CSGALNACT1: variants seen among roughly 807,000 people sequenced by gnomAD.
CSGALNACT1 encodes chondroitin sulfate N-acetylgalactosaminyltransferase 1.
CSGALNACT1 carries 52 observed loss-of-function variants against 51.0 expected under a neutral mutation model. The ratio of observed to expected loss-of-function variants is 1.02; its 90% CI spans 0.82 to 1.29. CSGALNACT1 has a LOEUF of 1.29. Among genes scored for constraint, CSGALNACT1 ranks in the 50% most tolerant of loss-of-function variants. The pLI, the probability that CSGALNACT1 is intolerant of heterozygous loss-of-function variation, is 0.00. For synonymous variants in CSGALNACT1, 341 were observed against 254.4 expected, an observed-to-expected ratio of 1.34 and a Z score of -3.24; for missense variants, 935 against 679.2, an observed-to-expected ratio of 1.38 and a Z score of -4.19.
chr8:19,430,938 A>G (rs1443676739), intron 6 of CSGALNACT1, among the ~76,000 whole-genome samples: 1 of 151,976 alleles, frequency 6.6e-6, no homozygotes, highest in Non-Finnish European at 1.5e-5. Flanking sequence ...AACCTTTTTT[A>G]TATTACTATG....
At chr8:19,449,807 G>C (rs1409915296) in intron 5 of CSGALNACT1, among the ~76,000 whole-genome samples, 1 of 151,884 alleles carries the variant, frequency 6.6e-6, no homozygotes, top group Non-Finnish European at 1.5e-5. Context: ...TTGGAATTGA[G>C]AAAGATTTTT....
At chr8:19,626,115 C>T (rs1362710887) in intron 1 of CSGALNACT1, among the ~76,000 whole-genome samples, 1 of 152,056 alleles carries the variant, frequency 6.6e-6, no homozygotes, top group African/African-American at 2.4e-5. Context: ...AAAGTTAAAA[C>T]AATTTTGAAA....
chr8:19,503,885 A>G (rs1482630063), intron 4 of CSGALNACT1, among the ~76,000 whole-genome samples: 4 of 151,878 alleles, frequency 2.6e-5, no homozygotes, highest in Admixed American at 6.6e-5. Flanking sequence ...GCATCAACTT[A>G]TGGTTCACTT....
chr8:19,512,289 G>C lies in CSGALNACT1; in HGVS notation c.-296-6159C>G, dbSNP rs577007752. Among the ~76,000 whole-genome samples, 71 of 152,318 alleles carry C rather than the reference G, an allele frequency of 4.7e-4. No individual in the cohort carries two copies. In the South Asian group the frequency reaches 0.014, roughly 29 times the overall value. On this transcript the variant is annotated intron_variant, in intron 3 of 9. Coordinates refer to ENST00000454498, the Ensembl canonical transcript of CSGALNACT1. ...CAGGCCTGCCGGCAACCCCCTGAAA[G>C]AGCTTGAAAATGCGTTCTGCAGCTA...
chr8:19,474,047 G>C (rs2068816938), intron 4 of CSGALNACT1, among the ~76,000 whole-genome samples: 1 of 152,184 alleles, frequency 6.6e-6, no homozygotes, highest in Non-Finnish European at 1.5e-5. Context: ...TACATTGTAA[G>C]CCTTTAGTAA....
intron 4 of CSGALNACT1, among the ~76,000 whole-genome samples, chr8:19,460,024 G>GATTT (rs2153820536): frequency 6.6e-6 from 1 of 152,228 alleles, no homozygotes; most frequent in South Asian, 2.1e-4. Context: ...AGGATCAAAT[G>GATTT]ATTTCCCTCA....
intron 3 of CSGALNACT1, among the ~76,000 whole-genome samples, chr8:19,506,983 G>A (rs1292627260): frequency 6.6e-6 from 1 of 152,202 alleles, no homozygotes; most frequent in African/African-American, 2.4e-5. Flanking sequence ...GCCCACATGT[G>A]TTCACCTGTG....
intron 1 of CSGALNACT1, among the ~76,000 whole-genome samples, chr8:19,733,674 ATTATGCATGC>A (rs1446326257): frequency 6.6e-6 from 1 of 152,202 alleles, no homozygotes; most frequent in Non-Finnish European, 1.5e-5. Flanking sequence ...CCCGTGCTAA[ATTATGCATGC>A]TTTTCTCTTT....
At chr8:19,584,115 C>T (rs2046153237) in intron 3 of CSGALNACT1, among the ~76,000 whole-genome samples, 1 of 152,194 alleles carries the variant, frequency 6.6e-6, no homozygotes, top group African/African-American at 2.4e-5. Flanking sequence ...AGTAAAGAGG[C>T]CATTTCTGTG....
chr8:19,569,362 C>T (rs2042533249), intron 3 of CSGALNACT1, among the ~76,000 whole-genome samples: 1 of 152,068 alleles, frequency 6.6e-6, no homozygotes, highest in Non-Finnish European at 1.5e-5. Context: ...TCTCTGACAC[C>T]CTAGTGAAAT....
chr8:19,596,808 CTTTTTA>C (rs1439080755), intron 2 of CSGALNACT1, among the ~76,000 whole-genome samples: 3 of 152,014 alleles, frequency 2.0e-5, no homozygotes, highest in South Asian at 2.1e-4. Flanking sequence ...GACACTTTGA[CTTTTTA>C]TTTTTAATTG....
rs538165535 is a variant in CSGALNACT1 at position 19,578,168 on chromosome 8, T to C, written c.-297+12992A>G. 4.3e-4 allele frequency among the ~76,000 whole-genome samples: 66 copies of C among 152,326 alleles called. No homozygotes were observed. The South Asian group carries it at 7.9e-3, about 18-fold the overall frequency. ...AACATGTGGGCTACCAATGATGCCA[T>C]CATCAAATTCTATCCCCCTAGCTAG... On this transcript the variant is annotated intron_variant, in intron 3 of 9. Transcript: ENST00000454498.
intron 6 of CSGALNACT1, among the ~76,000 whole-genome samples, chr8:19,438,801 G>C (rs972200328): frequency 6.6e-6 from 1 of 152,198 alleles, no homozygotes; most frequent in Non-Finnish European, 1.5e-5. Context: ...GCTTAAGAAT[G>C]CTTGAATAAT....
At chr8:19,517,183 A>G (rs546096329) in intron 3 of CSGALNACT1, among the ~76,000 whole-genome samples, 6 of 152,318 alleles carry the variant, frequency 3.9e-5, no homozygotes, top group African/African-American at 1.4e-4. Context: ...CACATCTGTA[A>G]TCCCAGCACT....
chr8:19,563,501 C>A lies in CSGALNACT1; in HGVS notation c.-297+27659G>T, dbSNP rs538329052. ...GCAAGTCATGGCTGACCTGGAGTCGCCTTTACCCACTCCCACTCTATCAGT... is the reference window on the plus strand; with the variant it reads ...GCAAGTCATGGCTGACCTGGAGTCGACTTTACCCACTCCCACTCTATCAGT... On this transcript the variant is annotated intron_variant, in intron 3 of 9. Transcript: ENST00000454498. Among the ~76,000 whole-genome samples, 8 of 152,200 alleles carry A rather than the reference C, an allele frequency of 5.3e-5. 1 individual carries two copies. The South Asian group carries it at 1.5e-3, about 28-fold the overall frequency.
intron 1 of CSGALNACT1, among the ~76,000 whole-genome samples, chr8:19,650,063 G>A (rs1423440047): frequency 2.0e-5 from 3 of 152,098 alleles, no homozygotes; most frequent in Admixed American, 6.6e-5. Flanking sequence ...ACTTTCATGT[G>A]TATGATGAGC....
At chr8:19,465,517 C>T (rs145469942) in intron 4 of CSGALNACT1, among the ~76,000 whole-genome samples, 1 of 152,188 alleles carries the variant, frequency 6.6e-6, no homozygotes. Flanking sequence ...TATTGACCAC[C>T]ATAACTGCTG....
intron 4 of CSGALNACT1, among the ~76,000 whole-genome samples, chr8:19,477,485 G>C (rs764013273): frequency 6.6e-6 from 1 of 152,148 alleles, no homozygotes; most frequent in Non-Finnish European, 1.5e-5. Context: ...CCCTGATTAA[G>C]TACCCACTGA....
intron 3 of CSGALNACT1, among the ~76,000 whole-genome samples, chr8:19,579,216 G>A (rs2045006326): frequency 6.6e-6 from 1 of 152,132 alleles, no homozygotes; most frequent in South Asian, 2.1e-4. Flanking sequence ...ACTTTGATCT[G>A]GCCCCAGCTC....
Sources: gnomAD v4.1 joint callset for allele counts (sites outside exome capture counted in the v4.1 genomes callset) on GRCh38, gnomAD v4.1.1 for gene constraint, MANE v1.5 for transcripts, NCBI Gene and HGNC (gene_info 2026-07-23, HGNC 2026-07-21) for gene names.